The following TIMM23B variants were observed in gnomAD, a reference collection of about 807,000 sequenced individuals.
TIMM23B encodes mitochondrial import inner membrane translocase subunit Tim23B.
A neutral mutation model predicts 27.3 loss-of-function variants in TIMM23B; 27 were observed. That is an observed-to-expected ratio of 0.99 (90% CI 0.73 to 1.36). The LOEUF (loss-of-function observed/expected upper bound fraction) is 1.36, where lower values mean the gene tolerates loss of function less well. Ranked by LOEUF, TIMM23B falls within the 40% of genes most tolerant of loss-of-function variation. The pLI is 0.00. For missense variants in TIMM23B, 205 were observed against 244.2 expected, an observed-to-expected ratio of 0.84 and a Z score of 1.07; for synonymous variants, 73 against 92.4, an observed-to-expected ratio of 0.79 and a Z score of 1.21.
chr10:49,954,958 A>G, intron 4 of TIMM23B, 44 bp from the exon 5 acceptor site: 1 of 1,610,118 alleles, frequency 6.2e-7, no homozygotes, highest in Non-Finnish European at 8.5e-7. Flanking sequence ...TACTAGAGAA[A>G]TAATGATTCT....
chr10:49,960,335 G>T (rs1421409202), intron 6 of TIMM23B, among the ~76,000 whole-genome samples: 1 of 148,404 alleles, frequency 6.7e-6, no homozygotes, highest in Non-Finnish European at 1.5e-5. Flanking sequence ...GCAGATGTGA[G>T]CTACCATGCC....
Position 49,958,434 on chromosome 10 carries a change from C to T in TIMM23B, c.468C>T (p.Asn156=). 6.2e-7 allele frequency: 1 copy of T among 1,613,826 alleles called. No individual in the cohort carries two copies. Among genetic ancestry groups the T allele is most frequent in the Non-Finnish European group, 8.5e-7 (1 of 1,179,772 alleles). Residue 156 remains asparagine, a synonymous_variant, in exon 6 of 7, where the codon AAC becomes AAT. Transcript: ENST00000651259. ...EKTRGAEDDL[N]TVAAGTMTGM... is the part of the protein sequence containing the mutation. ...CACGAGGTGCAGAAGATGACCTTAA[C>T]ACAGTAGCAGCTGGAACCATGACAG...
At position 49,952,432 on chromosome 10, in the gene TIMM23B, T is replaced by G; in HGVS notation, c.260-17T>G. 1.2e-6 allele frequency: 2 copies of G among 1,612,460 alleles called. No homozygotes were observed. The highest frequency in any genetic ancestry group is 1.7e-6 in the Non-Finnish European group (2 of 1,179,296). On this transcript the variant is annotated splice_polypyrimidine_tract_variant and intron_variant, in intron 3 of 6. Coordinates refer to ENST00000651259, the MANE Select transcript of TIMM23B (RefSeq NM_001290117.2). ...TATAAAGCTGTCTTATCTGGGTGAA[T>G]TTTTATGATTTACCAGGGGCTGCGT...
intron 2 of TIMM23B, among the ~76,000 whole-genome samples, chr10:49,947,731 C>T (rs1380626250): frequency 6.6e-6 from 1 of 152,178 alleles, no homozygotes; most frequent in South Asian, 2.1e-4. Flanking sequence ...GAGTTTGAGA[C>T]CTGCCTGGCC....
chr10:49,966,417 G>T (rs1212540518), intron 6 of TIMM23B, among the ~76,000 whole-genome samples: 1 of 142,850 alleles, frequency 7.0e-6, no homozygotes, highest in African/African-American at 2.7e-5. Flanking sequence ...GAAATGCTGG[G>T]TGCAATGAAA....
chr10:49,965,932 C>T (rs568554068), intron 6 of TIMM23B, among the ~76,000 whole-genome samples: 9 of 133,362 alleles, frequency 6.7e-5, no homozygotes, highest in South Asian at 2.5e-4. Flanking sequence ...GGAAATGAAA[C>T]GAAATGAAAT....
intron 2 of TIMM23B, among the ~76,000 whole-genome samples, chr10:49,949,166 G>A (rs1839442668): frequency 6.8e-6 from 1 of 146,800 alleles, no homozygotes; most frequent in Non-Finnish European, 1.5e-5. Flanking sequence ...CCAAAGTGCT[G>A]GAATTACAGG....
At chr10:49,957,469 T>C (rs1258156461) in intron 5 of TIMM23B, among the ~76,000 whole-genome samples, 1 of 152,110 alleles carries the variant, frequency 6.6e-6, no homozygotes, top group Non-Finnish European at 1.5e-5. Context: ...TTGCCCAGAC[T>C]GGTCTCTGAC....
chr10:49,946,596 A>G (rs1242874754), intron 2 of TIMM23B, among the ~76,000 whole-genome samples: 4 of 151,838 alleles, frequency 2.6e-5, no homozygotes, highest in Non-Finnish European at 5.9e-5. Flanking sequence ...TTGATTACCA[A>G]TAACATCAAA....
In TIMM23B at chr10:49,945,014, A is replaced by G; in HGVS notation, c.107-18A>G. ...TTAAAGAATTTTGTTGCAATGTGACATTTTGTTTTCTCTCTAGTAACTGGT... is the reference window on the plus strand; with the variant it reads ...TTAAAGAATTTTGTTGCAATGTGACGTTTTGTTTTCTCTCTAGTAACTGGT... On this transcript the variant is annotated intron_variant, in intron 1 of 6. Transcript: ENST00000651259. 5 of 1,561,870 alleles carry G rather than the reference A, an allele frequency of 3.2e-6. No individual in the cohort carries two copies. Among genetic ancestry groups the G allele is most frequent in the South Asian group, 2.2e-5 (2 of 89,188 alleles).
chr10:49,966,418 T>C (rs1840163252), intron 6 of TIMM23B, among the ~76,000 whole-genome samples: 1 of 150,858 alleles, frequency 6.6e-6, no homozygotes, highest in Non-Finnish European at 1.5e-5. Flanking sequence ...AAATGCTGGG[T>C]GCAATGAAAT....
chr10:49,942,305 G>A lies in TIMM23B; in HGVS notation c.106+5G>A. ...CGGATTTGGCTGGCGTCCCGCGTAA[G>A]TATGGGGCCTAGCTTGCGATTATTT... On this transcript the variant is annotated splice_donor_5th_base_variant and intron_variant, in intron 1 of 6. Coordinates refer to ENST00000651259, the MANE Select transcript of TIMM23B (RefSeq NM_001290117.2). 2 of 1,608,100 alleles carry A rather than the reference G, an allele frequency of 1.2e-6. No individual in the cohort carries two copies. The highest frequency in any genetic ancestry group is 2.2e-5 in the South Asian group (2 of 90,156).
At chr10:49,970,649 C>T (rs1214481009) in intron 6 of TIMM23B, among the ~76,000 whole-genome samples, 37 of 151,032 alleles carry the variant, frequency 2.4e-4, no homozygotes, top group African/African-American at 5.8e-4. Flanking sequence ...CCAGCTGCCC[C>T]GTCCGGGAGG....
chr10:49,958,777 TC>T (rs1339419845), intron 6 of TIMM23B, among the ~76,000 whole-genome samples: 1 of 152,230 alleles, frequency 6.6e-6, no homozygotes, highest in Non-Finnish European at 1.5e-5. Flanking sequence ...ATTTACCACT[TC>T]CTTAGCTCCT....
At chr10:49,971,300 C>T (rs182401012) in intron 6 of TIMM23B, among the ~76,000 whole-genome samples, 8 of 150,330 alleles carry the variant, frequency 5.3e-5, no homozygotes, top group South Asian at 2.1e-4. Flanking sequence ...TCCCCTTCTC[C>T]GAGAAACACC....
At chr10:49,964,655 AAATAATGAAATG>A (rs1194397571) in intron 6 of TIMM23B, among the ~76,000 whole-genome samples, 1 of 149,620 alleles carries the variant, frequency 6.7e-6, no homozygotes, top group Non-Finnish European at 1.5e-5. Context: ...TGATGAAATG[AAATAATGAAATG>A]AATAATGAAA....
Position 49,942,302 on chromosome 10 carries a change from T to A in TIMM23B, c.106+2T>A. The A allele has an allele frequency of 5.0e-6, 8 of 1,608,848 alleles. No individual in the cohort carries two copies. In the Admixed American group the frequency reaches 1.3e-4, roughly 27 times the overall value. ...ACGCGGATTTGGCTGGCGTCCCGCG[T>A]AAGTATGGGGCCTAGCTTGCGATTA... On this transcript the variant is annotated splice_donor_variant, in intron 1 of 6. Transcript: ENST00000651259. LOFTEE classifies it high-confidence loss of function.
Position 49,952,197 on chromosome 10 carries a change from G to A in TIMM23B, c.237G>A (p.Thr79=), listed in dbSNP as rs1185158247. Reference sequence around the variant, plus strand: ...GCAGATTTGAGCTGGCCTTCTTTACGATTGGAGGGTGTTGCATGACAGGTG... The same window carrying A: ...GCAGATTTGAGCTGGCCTTCTTTACAATTGGAGGGTGTTGCATGACAGGTG... ...TWGRFELAFF[T]IGGCCMTGAA... The change falls in exon 3 of 7, where the codon ACG becomes ACA. Residue 79 remains threonine (T), a synonymous_variant. Coordinates refer to ENST00000651259, the MANE Select transcript of TIMM23B (RefSeq NM_001290117.2). 9.3e-6 allele frequency: 15 copies of A among 1,606,014 alleles called. 1 individual carries two copies. The highest frequency in any genetic ancestry group is 4.4e-5 in the South Asian group (4 of 90,930).
At chr10:49,965,412 AAAATGAAATGAAAT>A (rs1480193513) in intron 6 of TIMM23B, among the ~76,000 whole-genome samples, 1 of 151,608 alleles carries the variant, frequency 6.6e-6, no homozygotes, top group Non-Finnish European at 1.5e-5. Flanking sequence ...ATGAAATTGA[AAAATGAAATGAAAT>A]AGATGAAATG....
Sources: gnomAD v4.1 joint callset for allele counts (sites outside exome capture counted in the v4.1 genomes callset) on GRCh38, gnomAD v4.1.1 for gene constraint, MANE v1.5 for transcripts, NCBI Gene and HGNC (gene_info 2026-07-23, HGNC 2026-07-21) for gene names.